Variants in CSGALNACT1 observed in about 807,000 individuals in gnomAD.
CSGALNACT1 encodes beta4GalNAcT-1.
In CSGALNACT1, 52 loss-of-function variants were observed where a neutral mutation model predicts 51.0. The observed-to-expected ratio is 1.02, with a 90% CI of 0.82 to 1.29. The LOEUF is 1.29. CSGALNACT1 is among the 50% of genes most tolerant of loss of function. The probability of loss-of-function intolerance (pLI) is 0.00; values close to 1 mark genes in which losing one functional copy is unlikely to be tolerated. For missense variants in CSGALNACT1, 935 were observed against 679.2 expected (o/e 1.38, Z -4.19); for synonymous variants, 341 against 254.4 (o/e 1.34, Z -3.24).
At chr8:19,657,804 T>G (rs186447532) in intron 1 of CSGALNACT1, among the ~76,000 whole-genome samples, 1 of 152,194 alleles carries the variant, frequency 6.6e-6, no homozygotes, top group East Asian at 1.9e-4. Flanking sequence ...TGGGTTTTTA[T>G]AGGCAATCTT....
chr8:19,570,857 G>A (rs1049628507), intron 3 of CSGALNACT1, among the ~76,000 whole-genome samples: 19 of 152,064 alleles, frequency 1.2e-4, no homozygotes, highest in Non-Finnish European at 2.5e-4. Context: ...GCAGTGAGCC[G>A]AGATCACGCT....
At chr8:19,653,233 G>A (rs897889672) in intron 1 of CSGALNACT1, among the ~76,000 whole-genome samples, 15 of 152,092 alleles carry the variant, frequency 9.9e-5, no homozygotes, top group African/African-American at 3.6e-4. Context: ...GTCACCTCCT[G>A]TCCTTGTAGC....
chr8:19,600,073 CCATTCATTCATT>C (rs145377849), intron 2 of CSGALNACT1, among the ~76,000 whole-genome samples: 2 of 151,936 alleles, frequency 1.3e-5, no homozygotes, highest in South Asian at 2.1e-4. Context: ...TTGCTGCTCA[CCATTCATTCATT>C]CATTCATTCA....
intron 1 of CSGALNACT1, among the ~76,000 whole-genome samples, chr8:19,714,583 T>C (rs761657129): frequency 1.3e-5 from 2 of 152,132 alleles, no homozygotes; most frequent in Non-Finnish European, 2.9e-5. Flanking sequence ...TTTCTCTTTG[T>C]GTTTTAGTTT....
At chr8:19,684,991 G>T (rs879261337), upstream of CSGALNACT1, among the ~76,000 whole-genome samples, 2 of 152,266 alleles carry the variant, frequency 1.3e-5, no homozygotes, top group African/African-American at 4.8e-5. Context: ...CACAGATTTT[G>T]CCCTCAATCT....
At chr8:19,492,924 T>C (rs1005853819) in intron 4 of CSGALNACT1, among the ~76,000 whole-genome samples, 3 of 152,204 alleles carry the variant, frequency 2.0e-5, no homozygotes, top group Non-Finnish European at 4.4e-5. Flanking sequence ...TTCTTTTAGT[T>C]TGTGCCCTGC....
chr8:19,438,482 T>C (rs1173025746), intron 6 of CSGALNACT1, among the ~76,000 whole-genome samples: 1 of 152,226 alleles, frequency 6.6e-6, no homozygotes, highest in Non-Finnish European at 1.5e-5. Flanking sequence ...TATTCGATTA[T>C]TTTATTCTAT....
intron 3 of CSGALNACT1, among the ~76,000 whole-genome samples, chr8:19,558,863 G>T (rs2040067472): frequency 6.6e-6 from 1 of 152,104 alleles, no homozygotes; most frequent in Non-Finnish European, 1.5e-5. Context: ...AAGATATTTT[G>T]CAAAGAGGTA....
chr8:19,433,095 T>G (rs575293283), intron 6 of CSGALNACT1, among the ~76,000 whole-genome samples: 1 of 152,338 alleles, frequency 6.6e-6, no homozygotes, highest in South Asian at 2.1e-4. Context: ...TGTTGTTTGT[T>G]TAGTGACTTT....
chr8:19,476,774 C>T (rs1283624802), intron 4 of CSGALNACT1, among the ~76,000 whole-genome samples: 2 of 152,170 alleles, frequency 1.3e-5, no homozygotes, highest in Non-Finnish European at 2.9e-5. Context: ...GGACAGGATA[C>T]ACATGGGAAC....
chr8:19,475,266 G>T (rs751674299), intron 4 of CSGALNACT1, among the ~76,000 whole-genome samples: 1 of 152,190 alleles, frequency 6.6e-6, no homozygotes, highest in Non-Finnish European at 1.5e-5. Context: ...ACCAGGTAGA[G>T]AATGCAGTAA....
intron 3 of CSGALNACT1, among the ~76,000 whole-genome samples, chr8:19,583,655 T>TCAACCATTACTCTGATGA (rs2046041679): frequency 6.6e-6 from 1 of 152,164 alleles, no homozygotes; most frequent in South Asian, 2.1e-4. Flanking sequence ...ATTAACATCA[T>TCAACCATTACTCTGATGA]CAACCATTAC....
rs547576156 is a variant in CSGALNACT1, at chr8:19,596,509, A to G, written c.-415-5231T>C. Reference sequence around the variant, plus strand: ...TATTTCTGATAAGCAAAAAGATCCTATTATCTTTGCTGAAGAAAAACAAGT... The same window carrying G: ...TATTTCTGATAAGCAAAAAGATCCTGTTATCTTTGCTGAAGAAAAACAAGT... On this transcript the variant is annotated intron_variant, in intron 2 of 9. Coordinates refer to ENST00000454498, the Ensembl canonical transcript of CSGALNACT1. 2.0e-5 allele frequency among the ~76,000 whole-genome samples: 3 copies of G among 152,104 alleles called. No individual in the cohort carries two copies. The East Asian group carries it at 5.8e-4, about 29-fold the overall frequency.
chr8:19,696,760 G>A (rs564488819), intron 1 of CSGALNACT1, among the ~76,000 whole-genome samples: 29 of 152,282 alleles, frequency 1.9e-4, no homozygotes, highest in South Asian at 1.5e-3. Flanking sequence ...TTCATGTGGG[G>A]CATCTAGAAT....
chr8:19,627,548 C>T (rs971230487), intron 1 of CSGALNACT1, among the ~76,000 whole-genome samples: 2 of 152,184 alleles, frequency 1.3e-5, no homozygotes, highest in African/African-American at 4.8e-5. Context: ...TAAGGCCAGG[C>T]ATGGTGATTC....
chr8:19,667,873 T>C (rs2059506468), intron 1 of CSGALNACT1, among the ~76,000 whole-genome samples: 1 of 152,210 alleles, frequency 6.6e-6, no homozygotes, highest in South Asian at 2.1e-4. Context: ...TATAAAAAAG[T>C]ATTAAACTCA....
intron 1 of CSGALNACT1, among the ~76,000 whole-genome samples, chr8:19,652,908 T>G (rs2057940561): frequency 6.6e-6 from 1 of 152,066 alleles, no homozygotes; most frequent in Admixed American, 6.6e-5. Context: ...AGGATCTCTG[T>G]GGCCTTCCAG....
chr8:19,498,286 C>G (rs1039021922), intron 4 of CSGALNACT1, among the ~76,000 whole-genome samples: 1 of 152,190 alleles, frequency 6.6e-6, no homozygotes, highest in Admixed American at 6.5e-5. Context: ...TGACCAGTAT[C>G]CATACACACA....
intron 3 of CSGALNACT1, among the ~76,000 whole-genome samples, chr8:19,584,774 A>G (rs1305961938): frequency 6.6e-6 from 1 of 152,218 alleles, no homozygotes; most frequent in South Asian, 2.1e-4. Context: ...GCATTAAACC[A>G]TCAGTTATAA....
Sources: gnomAD v4.1 joint callset for allele counts (sites outside exome capture counted in the v4.1 genomes callset) on GRCh38, gnomAD v4.1.1 for gene constraint, MANE v1.5 for transcripts, NCBI Gene and HGNC (gene_info 2026-07-23, HGNC 2026-07-21) for gene names.